The following UMODL1 variants were observed in gnomAD, a reference collection of about 807,000 sequenced individuals.
UMODL1 encodes uromodulin-like 1.
In UMODL1, 128 loss-of-function variants were observed where a neutral mutation model predicts 136.3. That is an observed-to-expected ratio of 0.94 (90% CI 0.81 to 1.09). The LOEUF is 1.09. UMODL1 is among the 50% of genes least tolerant of loss of function. The pLI is 0.00. For missense variants in UMODL1, 1,766 were observed against 1,725.6 expected, an observed-to-expected ratio of 1.02 and a Z score of -0.41; for synonymous variants, 721 against 720.0, an observed-to-expected ratio of 1.00 and a Z score of -0.02.
At chr21:42,132,564 TCATC>T (rs1398573998) in intron 21 of UMODL1, among the ~76,000 whole-genome samples, 1 of 151,886 alleles carries the variant, frequency 6.6e-6, no homozygotes, top group Non-Finnish European at 1.5e-5. Flanking sequence ...CCATCCTCCA[TCATC>T]CATCCATCTG....
In UMODL1 at chr21:42,121,195, C is replaced by T. The variant is rs1649934983; in HGVS notation, c.2798C>T (p.Pro933Leu). 2 of 1,613,970 alleles carry T rather than the reference C, an allele frequency of 1.2e-6. No homozygotes were observed. The highest frequency in any genetic ancestry group is 1.7e-6 in the Non-Finnish European group (2 of 1,179,944). Reference protein sequence around the residue: ...CSCEGGAPDFPVEYSERPCEG... With the variant: ...CSCEGGAPDFLVEYSERPCEG... The stretch of plus-strand genomic sequence containing the variant: ...TGCGAGGGAGGAGCCCCCGACTTCC[C>T]TGTGGAATATTCTGAGAGACCCTGT... The change falls in exon 16 of 23, where the codon CCT (proline) becomes CTT (leucine). Residue 933 changes from proline to leucine, a missense_variant. Pro to Leu is a moderately conservative substitution (Grantham distance 98, BLOSUM62 -3). Transcript: ENST00000408910.
intron 7 of UMODL1, chr21:42,101,580 G>T (rs892073705): frequency 2.6e-6 from 1 of 387,192 alleles, no homozygotes; most frequent in South Asian, 1.9e-5. Context: ...TGCATGCTGG[G>T]TTTCCTTTCA....
At chr21:42,116,401 A>G (rs2066903198) in intron 14 of UMODL1, among the ~76,000 whole-genome samples, 1 of 151,714 alleles carries the variant, frequency 6.6e-6, no homozygotes, top group South Asian at 2.1e-4. Context: ...AATTTGACCT[A>G]TAGGTCCTAT....
intron 3 of UMODL1, among the ~76,000 whole-genome samples, chr21:42,084,541 C>T (rs1340810166): frequency 1.3e-5 from 2 of 152,108 alleles, no homozygotes; most frequent in Admixed American, 6.5e-5. Flanking sequence ...GCCAGGAGCT[C>T]CAGGTAGATT....
chr21:42,108,370 GC>G, intron 9 of UMODL1: 2 of 520,602 alleles, frequency 3.8e-6, no homozygotes, highest in South Asian at 1.5e-5. Flanking sequence ...TGGCAAGGCA[GC>G]CCCCAGGCCA....
In UMODL1 at chr21:42,119,284, G is replaced by A. The variant is rs538607306; in HGVS notation, c.2649G>A (p.Val883=). The change falls in exon 15 of 23, where the codon GTG becomes GTA. Residue 883 remains valine (V), a synonymous_variant. Coordinates refer to ENST00000408910, the MANE Select transcript of UMODL1 (RefSeq NM_001004416.3). Reference sequence around the variant, plus strand: ...CATTTCTCACCGCCTTCCAGACCGTGCCTCTGCTGGAGGTGATCAGAGGCG... The same window carrying A: ...CATTTCTCACCGCCTTCCAGACCGTACCTCTGCTGGAGGTGATCAGAGGCG... ...SAAFLTAFQT[V]PLLEVIRGDT... is the part of the protein sequence containing the mutation. 6.2e-7 allele frequency: 1 copy of A among 1,614,202 alleles called. No individual in the cohort carries two copies. Among genetic ancestry groups the A allele is most frequent in the East Asian group, 2.2e-5 (1 of 44,886 alleles).
In UMODL1 at chr21:42,088,481, G is replaced by T. The variant is rs866785679; in HGVS notation, c.790+1G>T. On this transcript the variant is annotated splice_donor_variant, in intron 5 of 22. Coordinates refer to ENST00000408910, the MANE Select transcript of UMODL1 (RefSeq NM_001004416.3). LOFTEE classifies it high-confidence loss of function. ...GAAGTGATCAGCGTCCAGGTGCAAGGTTGGGCTTCCCTCAATCCTCCCTCT... is the reference window on the plus strand; with the variant it reads ...GAAGTGATCAGCGTCCAGGTGCAAGTTTGGGCTTCCCTCAATCCTCCCTCT... The T allele has an allele frequency of 1.9e-6, 3 of 1,592,546 alleles. No homozygotes were observed. In the African/African-American group the frequency reaches 4.0e-5, roughly 21 times the overall value.
chr21:42,118,283 T>C (rs527409194), intron 14 of UMODL1, among the ~76,000 whole-genome samples: 1 of 152,278 alleles, frequency 6.6e-6, no homozygotes, highest in South Asian at 2.1e-4. Context: ...CTCCCTGGGG[T>C]CCACAGGCTC....
Position 42,129,751 on chromosome 21 carries a change from C to G in UMODL1, c.3729C>G (p.Thr1243=), listed in dbSNP as rs752938654. Residue 1243 remains threonine, a synonymous_variant, in exon 21 of 23, where the codon ACC becomes ACG. Coordinates refer to ENST00000408910, the MANE Select transcript of UMODL1 (RefSeq NM_001004416.3). ...NNFRLLQNSE[T]SATHQMSWGP... is the part of the protein sequence containing the mutation. The stretch of plus-strand genomic sequence containing the variant: ...TTCGGTTGCTGCAAAATAGTGAAAC[C>G]TCTGCCACACACCAGATGTCCTGGG... The G allele has an allele frequency of 1.3e-6, 2 of 1,593,446 alleles. No individual in the cohort carries two copies. Among genetic ancestry groups the G allele is most frequent in the South Asian group, 2.3e-5 (2 of 85,900 alleles).
intron 9 of UMODL1, among the ~76,000 whole-genome samples, chr21:42,108,877 G>T (rs74443976): frequency 9.5e-5 from 6 of 63,092 alleles, no homozygotes; most frequent in African/African-American, 3.2e-4. Context: ...CCCCACCCCC[G>T]GCGTGGGAAG....
At chr21:42,136,459 T>C (rs1429252417) in intron 21 of UMODL1, among the ~76,000 whole-genome samples, 1 of 152,242 alleles carries the variant, frequency 6.6e-6, no homozygotes, top group Non-Finnish European at 1.5e-5. Flanking sequence ...TTGGTGCCTC[T>C]TGGGCCTGGC....
intron 6 of UMODL1, 48 bp from the exon 7 acceptor site, chr21:42,098,878 C>CCG: frequency 6.3e-7 from 1 of 1,597,844 alleles, no homozygotes; most frequent in Non-Finnish European, 8.5e-7. Context: ...GAAGAGAAAG[C>CCG]CGCCCTCACT....
intron 1 of UMODL1, among the ~76,000 whole-genome samples, chr21:42,075,243 G>GA (rs1555917881): frequency 2.0e-5 from 1 of 49,014 alleles, no homozygotes; most frequent in Non-Finnish European, 4.5e-5. Flanking sequence ...GCTGGAGATG[G>GA]GGGGGGGGTT....
rs1177492964 is a variant in UMODL1 at position 42,099,356 on chromosome 21, G to A, written c.1186+176G>A. Among the ~76,000 whole-genome samples the A allele has an allele frequency of 3.9e-5, 6 of 152,232 alleles. No individual in the cohort carries two copies. The highest frequency in any genetic ancestry group is 2.0e-4 in the Admixed American group (3 of 15,304). On this transcript the variant is annotated intron_variant, in intron 7 of 22. Transcript: ENST00000408910. This position sits in a 1 kb window ranked among gnomAD's most constrained non-coding sequence, Gnocchi z 4.1. Reference sequence around the variant, plus strand: ...CCCACTGCCTGCCCGGCATTGCACCGGCCCGCTGGTGCCTTCACTGGCTCC... The same window carrying A: ...CCCACTGCCTGCCCGGCATTGCACCAGCCCGCTGGTGCCTTCACTGGCTCC...
intron 21 of UMODL1, among the ~76,000 whole-genome samples, chr21:42,131,380 C>T (rs12627704): frequency 0.032 from 4,403 of 135,722 alleles, 141 homozygotes; most frequent in East Asian, 0.16. Context: ...AGGGAGGTCT[C>T]GGCCATGAAG....
chr21:42,079,036 C>T (rs1264595659), intron 2 of UMODL1, among the ~76,000 whole-genome samples: 1 of 152,200 alleles, frequency 6.6e-6, no homozygotes, highest in Non-Finnish European at 1.5e-5. Context: ...AGCATGTGGG[C>T]TTTGCAGTCA....
intron 2 of UMODL1, among the ~76,000 whole-genome samples, chr21:42,078,735 C>T (rs220296): frequency 0.11 from 14,693 of 130,256 alleles, 747 homozygotes; most frequent in Middle Eastern, 0.18. Context: ...CCATCACCAA[C>T]AGAAACCAGG....
chr21:42,103,899 A>G lies in UMODL1; in HGVS notation c.1331A>G (p.Asp444Gly). 6.2e-7 allele frequency: 1 copy of G among 1,614,064 alleles called. No individual in the cohort carries two copies. Among genetic ancestry groups the G allele is most frequent in the Non-Finnish European group, 8.5e-7 (1 of 1,180,010 alleles). Residue 444 changes from aspartate to glycine, a missense_variant, in exon 9 of 23, where the codon GAC (aspartate) becomes GGC (glycine). Physicochemically the swap from Asp to Gly is moderately conservative, Grantham distance 94. Coordinates refer to ENST00000408910, the MANE Select transcript of UMODL1 (RefSeq NM_001004416.3). ...AGCTCCTTCCCACCAGTGGTGTCTG[A>G]CTTGTACCGAAGTGGGAAGCTGAGA... The part of the protein sequence containing the change: ...VESSFPPVVS[D>G]LYRSGKLRMQ...
chr21:42,079,012 G>A (rs953075379), intron 2 of UMODL1, among the ~76,000 whole-genome samples: 3 of 152,232 alleles, frequency 2.0e-5, no homozygotes, highest in African/African-American at 7.2e-5. Flanking sequence ...TGGTGCCACG[G>A]CAACTCGGTT....
Sources: allele counts gnomAD v4.1 joint callset (sites outside exome capture counted in the v4.1 genomes callset), GRCh38; gene constraint gnomAD v4.1.1; non-coding constraint Gnocchi (gnomAD v3.1); transcripts MANE v1.5; gene names NCBI Gene and HGNC (gene_info 2026-07-23, HGNC 2026-07-21).